Variants in SUFU observed in about 807,000 individuals in gnomAD.
The protein encoded by SUFU is SUFU negative regulator of hedgehog signaling.
A neutral mutation model predicts 58.9 loss-of-function variants in SUFU; 7 were observed. The observed-to-expected ratio is 0.12, with a 90% confidence interval of 0.07 to 0.22. The LOEUF is 0.22. SUFU is among the 10% of genes least tolerant of loss of function. The pLI, the probability that SUFU is intolerant of heterozygous loss-of-function variation, is 1.00. For missense variants in SUFU, 451 were observed against 641.3 expected (o/e 0.70, Z 3.20); for synonymous variants, 232 against 254.8 (o/e 0.91, Z 0.85).
chr10:102,601,185 CCTT>C (rs1245545324), intron 8 of SUFU, among the ~76,000 whole-genome samples: 4 of 152,196 alleles, frequency 2.6e-5, no homozygotes, highest in African/African-American at 4.8e-5. Flanking sequence ...AGAGATACAA[CCTT>C]CTTGCCCCGC....
chr10:102,611,549 C>T (rs537990147), intron 8 of SUFU, among the ~76,000 whole-genome samples: 1 of 152,334 alleles, frequency 6.6e-6, no homozygotes, highest in East Asian at 1.9e-4. Context: ...CTGGCCTGGC[C>T]AGAGGCAGTT....
At chr10:102,609,490 C>CA (rs1271103483) in intron 8 of SUFU, among the ~76,000 whole-genome samples, 1 of 151,962 alleles carries the variant, frequency 6.6e-6, no homozygotes, top group Admixed American at 6.5e-5. Flanking sequence ...CTGAGTCTTG[C>CA]AAAAAAAGTG....
chr10:102,512,955 C>G (rs1470685764), intron 2 of SUFU, among the ~76,000 whole-genome samples: 1 of 151,822 alleles, frequency 6.6e-6, no homozygotes, highest in African/African-American at 2.4e-5. Context: ...GTAGCCCTAG[C>G]TGCTTGGGGG....
At chr10:102,594,962 CG>C (rs2063446615) in intron 6 of SUFU, among the ~76,000 whole-genome samples, 1 of 152,138 alleles carries the variant, frequency 6.6e-6, no homozygotes, top group Admixed American at 6.6e-5. Flanking sequence ...TCAGATGATC[CG>C]CCCGCCTCGG....
intron 2 of SUFU, among the ~76,000 whole-genome samples, chr10:102,536,536 G>T (rs1194045229): frequency 6.6e-6 from 1 of 150,782 alleles, no homozygotes; most frequent in African/African-American, 2.4e-5. Context: ...GCTAATTTTT[G>T]TATTTTTAGT....
chr10:102,550,064 G>A lies in SUFU; in HGVS notation c.412G>A (p.Ala138Thr), dbSNP rs34406289. 244 of 1,614,174 alleles carry A rather than the reference G, an allele frequency of 1.5e-4. No homozygotes were observed. The African/African-American group carries it at 2.9e-3, about 19-fold the overall frequency. The change falls in exon 3 of 12, where the codon GCA (alanine) becomes ACA (threonine). Residue 138 changes from alanine to threonine, a missense_variant. By Grantham distance (58) the Ala-to-Thr change is moderately conservative. Coordinates refer to ENST00000369902, the MANE Select transcript of SUFU (RefSeq NM_016169.4). ...GGAGTCTGCCCCACCAACATGGCCC[G>A]CAGAGTTAATGCAGGGCTTGGCACG... ...TGESAPPTWPAELMQGLARYV... is the reference protein window; with the variant it reads ...TGESAPPTWPTELMQGLARYV...
intron 2 of SUFU, among the ~76,000 whole-genome samples, chr10:102,514,987 A>G (rs1564659616): frequency 6.6e-6 from 1 of 152,226 alleles, no homozygotes; most frequent in African/African-American, 2.4e-5. Flanking sequence ...AGCATGGGTC[A>G]TGCCCATGCC....
intron 3 of SUFU, among the ~76,000 whole-genome samples, chr10:102,570,986 A>T (rs1453071261): frequency 1.4e-5 from 2 of 147,296 alleles, no homozygotes; most frequent in African/African-American, 5.1e-5. Context: ...CTTGGATTCT[A>T]AAAAAAAAAC....
chr10:102,546,315 A>G (rs1454840014), intron 2 of SUFU, among the ~76,000 whole-genome samples: 1 of 152,116 alleles, frequency 6.6e-6, no homozygotes, highest in Non-Finnish European at 1.5e-5. Flanking sequence ...TAAGACAGTT[A>G]GAACCCCTTA....
chr10:102,516,535 C>T (rs2062472701), intron 2 of SUFU, among the ~76,000 whole-genome samples: 1 of 152,026 alleles, frequency 6.6e-6, no homozygotes, highest in South Asian at 2.1e-4. Context: ...ACTTGTCCAG[C>T]TGGCCCAGTT....
At chr10:102,554,860 C>T (rs371334315) in intron 3 of SUFU, among the ~76,000 whole-genome samples, 8 of 152,176 alleles carry the variant, frequency 5.3e-5, no homozygotes, top group Admixed American at 1.3e-4. Context: ...TAATAGTAAC[C>T]GCATGAAGTT....
intron 2 of SUFU, among the ~76,000 whole-genome samples, chr10:102,531,567 G>A (rs187776681): frequency 3.7e-4 from 57 of 152,306 alleles, no homozygotes; most frequent in African/African-American, 1.3e-3. Flanking sequence ...GGGAGAGATA[G>A]GCAGCTGCAA....
intron 2 of SUFU, among the ~76,000 whole-genome samples, chr10:102,544,101 A>G (rs2062830279): frequency 6.6e-6 from 1 of 151,974 alleles, no homozygotes; most frequent in South Asian, 2.1e-4. Flanking sequence ...CCTGTCTCAC[A>G]AAAAAAAGAT....
chr10:102,571,393 A>G (rs1420393057), intron 3 of SUFU, among the ~76,000 whole-genome samples: 2 of 152,188 alleles, frequency 1.3e-5, no homozygotes, highest in African/African-American at 4.8e-5. Context: ...GGCCGGGCAC[A>G]GTGGCTGACG....
At chr10:102,606,437 C>T (rs192840645) in intron 8 of SUFU, among the ~76,000 whole-genome samples, 2 of 152,228 alleles carry the variant, frequency 1.3e-5, no homozygotes, top group Admixed American at 6.5e-5. Flanking sequence ...GGCCTTGCGT[C>T]GTGGGATGCC....
At chr10:102,530,395 T>C (rs2062663741) in intron 2 of SUFU, among the ~76,000 whole-genome samples, 1 of 151,102 alleles carries the variant, frequency 6.6e-6, no homozygotes, top group African/African-American at 2.4e-5. Flanking sequence ...CTTCAGCCCA[T>C]AACCTTGGGC....
chr10:102,614,686 G>A (rs1590081470), intron 8 of SUFU, among the ~76,000 whole-genome samples: 1 of 152,076 alleles, frequency 6.6e-6, no homozygotes, highest in African/African-American at 2.4e-5. Flanking sequence ...GACCAGCCTG[G>A]CCAACATGGT....
rs2135872473 is a variant in SUFU at position 102,594,050 on chromosome 10, C to G, written c.741C>G (p.Ile247Met). 6.2e-7 allele frequency: 1 copy of G among 1,611,920 alleles called. No individual in the cohort carries two copies. Residue 247 changes from isoleucine (I) to methionine (M), a missense_variant, in exon 6 of 12, where the codon ATC becomes ATG. Physicochemically the swap from Ile to Met is conservative, Grantham distance 10. Transcript: ENST00000369902. ...GGAGGGGAGAGACCATATTTGAGATCGATCCACACCTGCAAGTATGTCTTG... is the reference window on the plus strand; with the variant it reads ...GGAGGGGAGAGACCATATTTGAGATGGATCCACACCTGCAAGTATGTCTTG... ...DMRRGETIFEIDPHLQERVDK... is the reference protein window; with the variant it reads ...DMRRGETIFEMDPHLQERVDK...
At chr10:102,555,491 C>A (rs1305730889) in intron 3 of SUFU, among the ~76,000 whole-genome samples, 1 of 152,016 alleles carries the variant, frequency 6.6e-6, no homozygotes, top group Non-Finnish European at 1.5e-5. Flanking sequence ...AATAAAATTA[C>A]CTCGTTTTGT....
Sources: allele counts gnomAD v4.1 joint callset (sites outside exome capture counted in the v4.1 genomes callset), GRCh38; gene constraint gnomAD v4.1.1; transcripts MANE v1.5; gene names NCBI Gene and HGNC (gene_info 2026-07-23, HGNC 2026-07-21).